The following ADCK1 variants were observed in gnomAD, a reference collection of about 807,000 sequenced individuals.
The protein encoded by ADCK1 is aarF domain-containing protein kinase 1.
Under a neutral mutation model 52.3 loss-of-function variants are expected in ADCK1, and 41 were observed. The observed-to-expected ratio is 0.78, with a 90% CI of 0.61 to 1.02. The LOEUF (loss-of-function observed/expected upper bound fraction) is 1.02, where lower values mean the gene tolerates loss of function less well. Ranked by LOEUF, ADCK1 falls within the 50% of genes least tolerant of loss-of-function variation. ADCK1 has a pLI of 0.00. For synonymous variants in ADCK1, 250 were observed against 274.6 expected, an observed-to-expected ratio of 0.91 and a Z score of 0.89; for missense variants, 658 against 679.5, an observed-to-expected ratio of 0.97 and a Z score of 0.35.
chr14:77,849,509 A>G (rs917744851), intron 3 of ADCK1, among the ~76,000 whole-genome samples: 2 of 152,032 alleles, frequency 1.3e-5, no homozygotes, highest in South Asian at 4.1e-4. Context: ...TGACATGATC[A>G]TGGCTCACTA....
intron 3 of ADCK1, among the ~76,000 whole-genome samples, chr14:77,853,751 C>T (rs781715398): frequency 2.6e-5 from 4 of 152,290 alleles, no homozygotes; most frequent in Admixed American, 6.5e-5. Context: ...TGGATATGCA[C>T]GTGCTGATTG....
intron 5 of ADCK1, among the ~76,000 whole-genome samples, chr14:77,892,368 C>T (rs561567596): frequency 6.6e-6 from 1 of 152,220 alleles, no homozygotes; most frequent in East Asian, 1.9e-4. Context: ...TTTCAGTTGG[C>T]TCTAAGAATC....
In ADCK1 at chr14:77,924,340, G is replaced by A. The variant is rs948306610; in HGVS notation, c.859-117G>A. The A allele has an allele frequency of 3.2e-5, 44 of 1,368,986 alleles. 1 individual carries two copies. The highest frequency in any genetic ancestry group is 8.8e-5 in the Admixed American group (4 of 45,274). The allele number at this position is 1,368,986 out of a possible 1,614,324, so 84.8% of individuals were successfully genotyped here. ...CAATCACTCCCACCACAACCGCTCC[G>A]GCCCACCGATTTTCTCTGGCCTCCC... On this transcript the variant is annotated intron_variant, in intron 7 of 10. Coordinates refer to ENST00000238561, the MANE Select transcript of ADCK1 (RefSeq NM_020421.4).
At chr14:77,888,901 C>T (rs2140212613) in intron 5 of ADCK1, among the ~76,000 whole-genome samples, 1 of 152,204 alleles carries the variant, frequency 6.6e-6, no homozygotes, top group African/African-American at 2.4e-5. Flanking sequence ...TGGCTGTGTC[C>T]CCACCCAAAT....
At chr14:77,839,295 A>G (rs1002674685) in intron 3 of ADCK1, among the ~76,000 whole-genome samples, 2 of 152,326 alleles carry the variant, frequency 1.3e-5, no homozygotes, top group South Asian at 4.1e-4. Flanking sequence ...GGACTAGTGC[A>G]AAATGAAAAT....
chr14:77,905,489 G>T (rs2083645303), intron 6 of ADCK1, among the ~76,000 whole-genome samples: 1 of 151,710 alleles, frequency 6.6e-6, no homozygotes, highest in Non-Finnish European at 1.5e-5. Context: ...GTGAGCCACT[G>T]CGCCCAGCCC....
At chr14:77,879,019 C>A (rs964529154) in intron 4 of ADCK1, among the ~76,000 whole-genome samples, 3 of 151,938 alleles carry the variant, frequency 2.0e-5, no homozygotes, top group African/African-American at 7.3e-5. Flanking sequence ...TCATTATTAT[C>A]ACAACATTTC....
rs2081264444 is a variant in ADCK1, at chr14:77,807,912, G to A, written c.-12+7742G>A. Among the ~76,000 whole-genome samples, 7 of 152,134 alleles carry A rather than the reference G, an allele frequency of 4.6e-5. No homozygotes were observed. In the South Asian group the frequency reaches 1.5e-3, roughly 32 times the overall value. ...CCCGTCTCAGCCTCTCAAAGTGCTG[G>A]GATTACAGGCATGAGCCACCACTCC... On this transcript the variant is annotated intron_variant, in intron 1 of 10. Transcript: ENST00000238561.
At chr14:77,913,108 C>A (rs745874727) in intron 7 of ADCK1, among the ~76,000 whole-genome samples, 7 of 152,176 alleles carry the variant, frequency 4.6e-5, no homozygotes, top group Non-Finnish European at 7.4e-5. Context: ...AAGGAATCAC[C>A]AGGGGAGCTT....
chr14:77,872,593 T>G, intron 4 of ADCK1, among the ~76,000 whole-genome samples: 1 of 148,120 alleles, frequency 6.8e-6, no homozygotes, highest in South Asian at 2.2e-4. Context: ...GGGGGGAGAG[T>G]GGGGGTGCCC....
intron 4 of ADCK1, among the ~76,000 whole-genome samples, chr14:77,861,088 C>T (rs919237411): frequency 2.6e-5 from 4 of 152,302 alleles, no homozygotes; most frequent in African/African-American, 7.2e-5. Context: ...AGGGCCCCTT[C>T]TCCAGTCCCC....
chr14:77,828,574 G>T (rs1735616004), intron 3 of ADCK1, among the ~76,000 whole-genome samples: 1 of 152,046 alleles, frequency 6.6e-6, no homozygotes, highest in African/African-American at 2.4e-5. Context: ...TGCTCTTGTT[G>T]CCCAGGATGG....
At chr14:77,895,138 A>C (rs1200907012) in intron 5 of ADCK1, among the ~76,000 whole-genome samples, 2 of 152,128 alleles carry the variant, frequency 1.3e-5, no homozygotes, top group Non-Finnish European at 2.9e-5. Flanking sequence ...TTCCTCCTGC[A>C]AGCCAATGAC....
At chr14:77,852,931 T>TTTTTG (rs2082343907) in intron 3 of ADCK1, among the ~76,000 whole-genome samples, 1 of 88,490 alleles carries the variant, frequency 1.1e-5, no homozygotes, top group African/African-American at 4.1e-5. Flanking sequence ...TTTTTTTTTT[T>TTTTTG]AGAGACAGGG....
chr14:77,907,890 A>G lies in ADCK1; in HGVS notation c.829A>G (p.Met277Val), dbSNP rs374530596. The stretch of plus-strand genomic sequence containing the variant: ...CGGGCAGGTCAATGACAGAGACTAC[A>G]TGGAGAGGAACAAGATCGACGTCAA... ...DGGQVNDRDY[M>V]ERNKIDVNEI... Residue 277 changes from methionine to valine, a missense_variant, in exon 7 of 11, where the codon ATG becomes GTG. By Grantham distance (21) the Met-to-Val change is conservative. Coordinates refer to ENST00000238561, the MANE Select transcript of ADCK1 (RefSeq NM_020421.4). 6 of 1,613,808 alleles carry G rather than the reference A, an allele frequency of 3.7e-6. No homozygotes were observed. The Admixed American group carries it at 6.7e-5, about 18-fold the overall frequency.
At chr14:77,864,058 C>A (rs536437807) in intron 4 of ADCK1, among the ~76,000 whole-genome samples, 2 of 152,066 alleles carry the variant, frequency 1.3e-5, no homozygotes, top group African/African-American at 2.4e-5. Context: ...CAGTTTTTCA[C>A]CCCCTGGTCT....
At chr14:77,922,645 G>T (rs1241385574) in intron 7 of ADCK1, among the ~76,000 whole-genome samples, 1 of 152,214 alleles carries the variant, frequency 6.6e-6, no homozygotes, top group Non-Finnish European at 1.5e-5. Flanking sequence ...AGAAGTGGGT[G>T]CAAGCCAGCG....
intron 4 of ADCK1, among the ~76,000 whole-genome samples, chr14:77,866,923 C>G (rs899551040): frequency 1.3e-5 from 2 of 152,150 alleles, no homozygotes; most frequent in Non-Finnish European, 2.9e-5. Flanking sequence ...TGCCTGCAGC[C>G]CCCGCAGGGG....
At chr14:77,813,096 G>A (rs567780742) in intron 1 of ADCK1, among the ~76,000 whole-genome samples, 3 of 151,774 alleles carry the variant, frequency 2.0e-5, no homozygotes, top group East Asian at 1.9e-4. Context: ...TCCACCTCCC[G>A]GGTTCAAGCA....
Sources: allele counts gnomAD v4.1 joint callset (sites outside exome capture counted in the v4.1 genomes callset), GRCh38; gene constraint gnomAD v4.1.1; transcripts MANE v1.5; gene names NCBI Gene and HGNC (gene_info 2026-07-23, HGNC 2026-07-21).